ATG10: variants seen among roughly 807,000 people sequenced by gnomAD.
The protein encoded by ATG10 is ubiquitin-like-conjugating enzyme ATG10.
A neutral mutation model predicts 32.1 loss-of-function variants in ATG10; 30 were observed. The observed-to-expected ratio is 0.94, with a 90% CI of 0.70 to 1.27. ATG10 has a LOEUF of 1.27. Ranked by LOEUF, ATG10 falls within the 50% of genes most tolerant of loss-of-function variation. The pLI is 0.00. For missense variants in ATG10, 233 were observed against 262.3 expected, an observed-to-expected ratio of 0.89 and a Z score of 0.77; for synonymous variants, 87 against 91.5, an observed-to-expected ratio of 0.95 and a Z score of 0.28.
chr5:82,103,688 C>T (rs1238114667), intron 3 of ATG10, among the ~76,000 whole-genome samples: 1 of 151,164 alleles, frequency 6.6e-6, no homozygotes, highest in African/African-American at 2.4e-5. Flanking sequence ...TTTAGAAACC[C>T]ATACTCAGTT....
chr5:82,139,906 C>T (rs1353894139), intron 3 of ATG10, among the ~76,000 whole-genome samples: 10 of 136,122 alleles, frequency 7.3e-5, no homozygotes, highest in South Asian at 2.4e-4. Flanking sequence ...GTCAGCCCCC[C>T]GCCTGGCCAG....
At chr5:82,166,023 G>A (rs147223261) in intron 4 of ATG10, among the ~76,000 whole-genome samples, 167 of 152,310 alleles carry the variant, frequency 1.1e-3, no homozygotes, top group African/African-American at 3.9e-3. Context: ...CAGAGGTGTT[G>A]AAACATGACT....
At chr5:82,135,054 T>A (rs112830195) in intron 3 of ATG10, among the ~76,000 whole-genome samples, 72 of 151,960 alleles carry the variant, frequency 4.7e-4, no homozygotes, top group African/African-American at 1.6e-3. Context: ...TGTATTTCTG[T>A]GGGATTGGTG....
intron 3 of ATG10, among the ~76,000 whole-genome samples, chr5:82,108,015 G>T (rs527297893): frequency 6.6e-5 from 10 of 152,080 alleles, no homozygotes; most frequent in African/African-American, 1.9e-4. Flanking sequence ...TGATAGAGGG[G>T]TTATGTACTG....
intron 3 of ATG10, among the ~76,000 whole-genome samples, chr5:82,113,608 G>T (rs188087307): frequency 8.0e-4 from 121 of 152,008 alleles, no homozygotes; most frequent in Middle Eastern, 3.4e-3. Context: ...CATTAGAGAT[G>T]CCAATAGCCC....
In ATG10 at chr5:82,139,104, G is replaced by C. The variant is rs1317257355; in HGVS notation, c.217-25295G>C. On this transcript the variant is annotated intron_variant, in intron 3 of 7. Coordinates refer to ENST00000282185, the MANE Select transcript of ATG10 (RefSeq NM_031482.5). ...AGTGATCCGCCAACCTCGGCCTCCCGAGGTGCCGGGATTGCAGACGGAGTC... is the reference window on the plus strand; with the variant it reads ...AGTGATCCGCCAACCTCGGCCTCCCCAGGTGCCGGGATTGCAGACGGAGTC... Among the ~76,000 whole-genome samples the C allele has an allele frequency of 2.7e-5, 4 of 146,778 alleles. No homozygotes were observed. In the East Asian group the frequency reaches 8.2e-4, roughly 30 times the overall value.
At chr5:82,009,025 T>G (rs1762057289) in intron 2 of ATG10, among the ~76,000 whole-genome samples, 1 of 152,174 alleles carries the variant, frequency 6.6e-6, no homozygotes, top group Non-Finnish European at 1.5e-5. Context: ...GAGTTCAAAT[T>G]TTTTCTCATA....
At chr5:82,086,190 TAATC>T (rs1444580163) in intron 3 of ATG10, among the ~76,000 whole-genome samples, 2 of 152,070 alleles carry the variant, frequency 1.3e-5, no homozygotes, top group African/African-American at 4.8e-5. Context: ...AGAGAAAAAA[TAATC>T]AAGACATTAT....
At chr5:82,182,287 A>G (rs1220718800) in intron 5 of ATG10, among the ~76,000 whole-genome samples, 2 of 152,180 alleles carry the variant, frequency 1.3e-5, no homozygotes, top group Non-Finnish European at 1.5e-5. Context: ...TAATGTGCTT[A>G]TTAGCTGATG....
At chr5:82,003,710 C>T (rs1167972887) in intron 2 of ATG10, among the ~76,000 whole-genome samples, 3 of 152,206 alleles carry the variant, frequency 2.0e-5, no homozygotes, top group Non-Finnish European at 4.4e-5. Context: ...ACATCAACTC[C>T]TTGGTATGAA....
intron 5 of ATG10, among the ~76,000 whole-genome samples, chr5:82,202,663 G>A (rs1481845951): frequency 6.6e-6 from 1 of 152,112 alleles, no homozygotes; most frequent in Non-Finnish European, 1.5e-5. Flanking sequence ...GGCTTCTCTT[G>A]GAGTTTTAGC....
chr5:82,029,221 G>A (rs1238679308), intron 2 of ATG10, among the ~76,000 whole-genome samples: 1 of 152,118 alleles, frequency 6.6e-6, no homozygotes, highest in African/African-American at 2.4e-5. Flanking sequence ...TCCATCATTT[G>A]GAGAAAAGTG....
intron 2 of ATG10, among the ~76,000 whole-genome samples, chr5:82,025,795 A>G (rs1440286183): frequency 2.0e-5 from 3 of 152,208 alleles, no homozygotes; most frequent in Non-Finnish European, 4.4e-5. Flanking sequence ...AATTCTCTGT[A>G]GTAGCAGTAC....
At chr5:82,063,322 CAAAAT>C (rs1763841829) in intron 3 of ATG10, among the ~76,000 whole-genome samples, 1 of 151,792 alleles carries the variant, frequency 6.6e-6, no homozygotes, top group African/African-American at 2.4e-5. Flanking sequence ...GACTCTGTCT[CAAAAT>C]AAAAACAAAA....
intron 2 of ATG10, among the ~76,000 whole-genome samples, chr5:82,036,341 C>T (rs943595465): frequency 4.6e-5 from 7 of 152,134 alleles, no homozygotes; most frequent in Non-Finnish European, 1.0e-4. Context: ...TGCATGTAAT[C>T]CTAGAACTTT....
intron 2 of ATG10, among the ~76,000 whole-genome samples, chr5:81,991,669 C>G (rs1397302909): frequency 6.6e-6 from 1 of 152,026 alleles, no homozygotes; most frequent in African/African-American, 2.4e-5. Flanking sequence ...GTGGTGCATG[C>G]CTAAAATCCC....
chr5:82,031,823 C>T (rs903581043), intron 2 of ATG10, among the ~76,000 whole-genome samples: 1 of 152,242 alleles, frequency 6.6e-6, no homozygotes, highest in African/African-American at 2.4e-5. Flanking sequence ...GTTTCTCCAG[C>T]AGAATGTAGT....
intron 2 of ATG10, among the ~76,000 whole-genome samples, chr5:82,017,209 C>T (rs1341811864): frequency 1.3e-5 from 2 of 150,478 alleles, no homozygotes; most frequent in African/African-American, 4.9e-5. Flanking sequence ...ATTTGATTCT[C>T]AGCTTGGCTG....
intron 1 of ATG10, among the ~76,000 whole-genome samples, chr5:81,982,521 C>A (rs1442999948): frequency 6.6e-6 from 1 of 151,822 alleles, no homozygotes; most frequent in Non-Finnish European, 1.5e-5. Flanking sequence ...AACCTACTTA[C>A]AACTAGAAAT....
Sources: allele counts gnomAD v4.1 joint callset (sites outside exome capture counted in the v4.1 genomes callset), GRCh38; gene constraint gnomAD v4.1.1; transcripts MANE v1.5; gene names NCBI Gene and HGNC (gene_info 2026-07-23, HGNC 2026-07-21).